Variants in CAMKK2 observed in about 807,000 individuals in gnomAD.
CAMKK2 encodes calcium/calmodulin dependent protein kinase kinase 2, also known as calcium/calmodulin-dependent protein kinase kinase 2.
A neutral mutation model predicts 67.2 loss-of-function variants in CAMKK2; 30 were observed. The observed-to-expected ratio is 0.45, with a 90% CI of 0.33 to 0.61. The LOEUF (loss-of-function observed/expected upper bound fraction) is 0.61. Among genes scored for constraint, CAMKK2 ranks in the 20% least tolerant of loss-of-function variants. The probability of loss-of-function intolerance (pLI) is 0.02; values close to 1 mark genes in which losing one functional copy is unlikely to be tolerated. For missense variants in CAMKK2, 643 were observed against 802.0 expected (o/e 0.80, Z 2.39); for synonymous variants, 322 against 326.2 (o/e 0.99, Z 0.14).
chr12:121,251,847 TAGAG>T (rs1447962787), intron 11 of CAMKK2, among the ~76,000 whole-genome samples: 18 of 105,484 alleles, frequency 1.7e-4, no homozygotes, highest in South Asian at 5.9e-4. Context: ...AAAAAAAAAA[TAGAG>T]AGAGAAGCCC....
At chr12:121,252,760 C>A (rs774255526) in intron 10 of CAMKK2, 46 bp from the exon 11 acceptor site, 2 of 1,584,734 alleles carry the variant, frequency 1.3e-6, no homozygotes, top group Non-Finnish European at 1.7e-6. Context: ...GGTGGTCCAG[C>A]CTCCAATCCT....
At chr12:121,257,192 A>G (rs1271747634) in intron 7 of CAMKK2, among the ~76,000 whole-genome samples, 3 of 152,092 alleles carry the variant, frequency 2.0e-5, no homozygotes, top group South Asian at 2.1e-4. Flanking sequence ...GTATTAAAAC[A>G]TCTCATGTAA....
intron 6 of CAMKK2, chr12:121,260,614 G>T: frequency 1.8e-6 from 1 of 543,728 alleles, no homozygotes; most frequent in Non-Finnish European, 3.2e-6. Flanking sequence ...AAAAGGGAGG[G>T]GCCAAAATAC....
intron 1 of CAMKK2, among the ~76,000 whole-genome samples, chr12:121,295,389 G>A (rs1900938596): frequency 6.6e-6 from 1 of 152,148 alleles, no homozygotes; most frequent in Admixed American, 6.6e-5. Flanking sequence ...GCATTTGCAT[G>A]GCATGCACAC....
At chr12:121,258,190 A>C (rs1892734338) in intron 7 of CAMKK2, among the ~76,000 whole-genome samples, 1 of 151,380 alleles carries the variant, frequency 6.6e-6, no homozygotes, top group Non-Finnish European at 1.5e-5. Context: ...ACATCTGGCT[A>C]ATTTTGTATT....
At chr12:121,267,253 A>G (rs1052292559) in intron 5 of CAMKK2, among the ~76,000 whole-genome samples, 1 of 146,622 alleles carries the variant, frequency 6.8e-6, no homozygotes. Context: ...AGGGATTTAC[A>G]GATGCATGCC....
intron 16 of CAMKK2, among the ~76,000 whole-genome samples, chr12:121,241,641 A>T (rs920290569): frequency 1.3e-5 from 2 of 152,240 alleles, no homozygotes; most frequent in African/African-American, 4.8e-5. Flanking sequence ...CACATGGGTT[A>T]CTGTCTGTCC....
chr12:121,253,475 G>C lies in CAMKK2; in HGVS notation c.908-3C>G. On this transcript the variant is annotated splice_polypyrimidine_tract_variant and splice_region_variant and intron_variant, in intron 9 of 16. Coordinates refer to ENST00000404169, the MANE Select transcript of CAMKK2 (RefSeq NM_001270485.2). The surrounding 1 kb of genome is among the most constrained non-coding windows in gnomAD (Gnocchi z 5.0). ...GTGGATGATCTTCTGGTAGTGTACT[G>C]GGGAGGCGTAGACAGCAGGTGGGAG... 1 of 1,613,874 alleles carries C rather than the reference G, an allele frequency of 6.2e-7. No homozygotes were observed. The highest frequency in any genetic ancestry group is 8.5e-7 in the Non-Finnish European group (1 of 1,179,812).
intron 1 of CAMKK2, among the ~76,000 whole-genome samples, chr12:121,289,141 C>T (rs538189026): frequency 1.5e-4 from 23 of 152,240 alleles, no homozygotes; most frequent in African/African-American, 5.5e-4. Flanking sequence ...CCCCACTCTG[C>T]CCCGTTTCCG....
intron 6 of CAMKK2, 123 bp downstream of exon 6, chr12:121,263,683 A>G (rs564883726): frequency 1.3e-6 from 1 of 749,198 alleles, no homozygotes; most frequent in East Asian, 2.8e-5. Flanking sequence ...AGCAGTAAAT[A>G]CAACTCAGCC....
chr12:121,240,987 C>T lies in CAMKK2; in HGVS notation c.1597-118G>A, dbSNP rs990069225. On this transcript the variant is annotated intron_variant, in intron 16 of 16. Transcript: ENST00000404169. The surrounding 1 kb of genome is among the most constrained non-coding windows in gnomAD (Gnocchi z 4.4). ...GTGGGCCGTCGCGCACCCCCTGGAA[C>T]GTGATCTACGTAACCCAGTCTTTGA... is the stretch of plus-strand genomic sequence containing the variant. The T allele has an allele frequency of 1.7e-5, 16 of 934,562 alleles. No individual in the cohort carries two copies. The Admixed American group carries it at 3.4e-4, about 20-fold the overall frequency. 57.9% of individuals were successfully genotyped at this position (934,562 alleles called of 1,614,324 possible).
At chr12:121,249,626 C>T (rs1890233562) in intron 13 of CAMKK2, among the ~76,000 whole-genome samples, 161 bp downstream of exon 13, 1 of 152,164 alleles carries the variant, frequency 6.6e-6, no homozygotes, top group Admixed American at 6.6e-5. Flanking sequence ...ATCTTCCTAC[C>T]CAGCCCTCAA....
intron 5 of CAMKK2, among the ~76,000 whole-genome samples, 167 bp downstream of exon 5, chr12:121,268,471 T>C (rs916962691): frequency 6.6e-6 from 1 of 152,154 alleles, no homozygotes; most frequent in African/African-American, 2.4e-5. Flanking sequence ...CTTGGCTCAC[T>C]GCAAACTCCT....
chr12:121,240,310 G>T lies in CAMKK2; in HGVS notation c.*389C>A. 1 of 882,604 alleles carries T rather than the reference G, an allele frequency of 1.1e-6. No homozygotes were observed. The highest frequency in any genetic ancestry group is 1.7e-6 in the Non-Finnish European group (1 of 590,696). The allele number at this position is 882,604 out of a possible 1,614,324, so 54.7% of individuals were successfully genotyped here. The stretch of plus-strand genomic sequence containing the variant: ...ACCACCTCCATGGCCTCAGACCGCC[G>T]GAGTTTTCTGCTCGCCTTTCCACAG... On this transcript the variant is annotated 3_prime_UTR_variant, in exon 17 of 17. Transcript: ENST00000404169. This position sits in a 1 kb window ranked among gnomAD's most constrained non-coding sequence, Gnocchi z 4.4.
chr12:121,255,001 C>T (rs914010978), intron 9 of CAMKK2, among the ~76,000 whole-genome samples: 1 of 150,924 alleles, frequency 6.6e-6, no homozygotes, highest in Non-Finnish European at 1.5e-5. Context: ...GGCAGAAAAA[C>T]GTGAAAGGTG....
intron 1 of CAMKK2, among the ~76,000 whole-genome samples, chr12:121,294,168 G>C (rs1900676349): frequency 6.6e-6 from 1 of 151,868 alleles, no homozygotes; most frequent in Admixed American, 6.6e-5. Context: ...CCTGACCTCA[G>C]GTGATCCTCC....
rs200795849 is a variant in CAMKK2, at chr12:121,253,519, C to T, written c.908-47G>A. 4.5e-5 allele frequency: 68 copies of T among 1,508,122 alleles called. No individual in the cohort carries two copies. The highest frequency in any genetic ancestry group is 5.6e-5 in the Non-Finnish European group (61 of 1,084,248). 93.4% of individuals were successfully genotyped at this position (1,508,122 alleles called of 1,614,324 possible). On this transcript the variant is annotated intron_variant, in intron 9 of 16. Transcript: ENST00000404169. This position sits in a 1 kb window ranked among gnomAD's most constrained non-coding sequence, Gnocchi z 5.0. ...GTGGGAGATAGGGGCAGGAAAACCT[C>T]GTGAGCACCTCTATGCGGCCACATG...
At chr12:121,242,590 T>A (rs1888589119) in intron 16 of CAMKK2, among the ~76,000 whole-genome samples, 1 of 152,162 alleles carries the variant, frequency 6.6e-6, no homozygotes, top group African/African-American at 2.4e-5. Context: ...CTGAGACTGC[T>A]GAAGACCGGT....
intron 6 of CAMKK2, among the ~76,000 whole-genome samples, chr12:121,261,059 T>C (rs546960055): frequency 6.6e-6 from 1 of 151,886 alleles, no homozygotes; most frequent in South Asian, 2.1e-4. Flanking sequence ...GCCTCCCCAT[T>C]GCCCCTAACC....
Sources: gnomAD v4.1 joint callset for allele counts (sites outside exome capture counted in the v4.1 genomes callset) on GRCh38, gnomAD v4.1.1 for gene constraint, Gnocchi (gnomAD v3.1) non-coding constraint, MANE v1.5 for transcripts, NCBI Gene and HGNC (gene_info 2026-07-23, HGNC 2026-07-21) for gene names.